ARID4B: variants seen among roughly 807,000 people sequenced by gnomAD.
ARID4B encodes AT-rich interaction domain 4B.
Under a neutral mutation model 147.5 loss-of-function variants are expected in ARID4B, and 26 were observed. That is an observed-to-expected ratio of 0.18 (90% CI 0.13 to 0.24). ARID4B has a LOEUF of 0.24. ARID4B is among the 10% of genes least tolerant of loss of function. The pLI is 1.00. For synonymous variants in ARID4B, 512 were observed against 507.9 expected, an observed-to-expected ratio of 1.01 and a Z score of -0.11; for missense variants, 1,179 against 1,511.5, an observed-to-expected ratio of 0.78 and a Z score of 3.65.
At chr1:235,201,423 T>C (rs868225566) in intron 17 of ARID4B, among the ~76,000 whole-genome samples, 1 of 151,880 alleles carries the variant, frequency 6.6e-6, no homozygotes, top group South Asian at 2.1e-4. Flanking sequence ...GACCTCCCAG[T>C]ATCAATTGTC....
intron 2 of ARID4B, among the ~76,000 whole-genome samples, chr1:235,267,643 T>C (rs1469404394): frequency 6.6e-6 from 1 of 152,112 alleles, no homozygotes; most frequent in African/African-American, 2.4e-5. Flanking sequence ...CCATCCTGGC[T>C]AACCCGGTGA....
In ARID4B at chr1:235,194,046, T is replaced by C. The variant is rs1398553805; in HGVS notation, c.2092A>G (p.Ile698Val). Residue 698 changes from isoleucine to valine, a missense_variant, in exon 19 of 24, where the codon ATA (isoleucine) becomes GTA (valine). Coordinates refer to ENST00000264183, the MANE Select transcript of ARID4B (RefSeq NM_016374.6). ...KNSDTAHIKS[I>V]EITSILNGLQ... ...CCATTAAGGATCGAAGTAATTTCTATGGACTTAATATGAGCAGTATCAGAG... is the reference window on the plus strand; with the variant it reads ...CCATTAAGGATCGAAGTAATTTCTACGGACTTAATATGAGCAGTATCAGAG... 8 of 1,611,242 alleles carry C rather than the reference T, an allele frequency of 5.0e-6. No homozygotes were observed. Among genetic ancestry groups the C allele is most frequent in the African/African-American group, 1.3e-5 (1 of 74,992 alleles).
At chr1:235,281,043 A>C (rs1389769675) in intron 2 of ARID4B, among the ~76,000 whole-genome samples, 1 of 152,094 alleles carries the variant, frequency 6.6e-6, no homozygotes, top group Non-Finnish European at 1.5e-5. Context: ...TGTGAGTCCT[A>C]AGTAAACACT....
At chr1:235,178,776 A>G (rs1558171604) in intron 20 of ARID4B, among the ~76,000 whole-genome samples, 1 of 152,174 alleles carries the variant, frequency 6.6e-6, no homozygotes, top group African/African-American at 2.4e-5. Context: ...TCAGACACCA[A>G]ATCAACCTTC....
chr1:235,269,960 G>T (rs966558461), intron 2 of ARID4B, among the ~76,000 whole-genome samples: 20 of 148,132 alleles, frequency 1.4e-4, no homozygotes, highest in African/African-American at 4.5e-4. Flanking sequence ...TGTTTTTTTT[G>T]CTGGATTGTA....
chr1:235,209,713 G>A (rs1666585236), intron 17 of ARID4B, among the ~76,000 whole-genome samples: 1 of 151,628 alleles, frequency 6.6e-6, no homozygotes, highest in South Asian at 2.1e-4. Context: ...ACAGGCACCT[G>A]CCACCATGTC....
At chr1:235,308,979 T>C (rs1427244592) in intron 2 of ARID4B, among the ~76,000 whole-genome samples, 2 of 148,642 alleles carry the variant, frequency 1.3e-5, no homozygotes, top group Non-Finnish European at 3.0e-5. Context: ...CTGCCCAGTC[T>C]GGAAAGTGAC....
At chr1:235,221,707 AAT>A in intron 13 of ARID4B, 45 bp from the exon 14 acceptor site, 1 of 1,080,772 alleles carries the variant, frequency 9.3e-7, no homozygotes, top group Non-Finnish European at 1.4e-6. Flanking sequence ...AAAAGGTGTT[AAT>A]ATAATAACAT....
intron 2 of ARID4B, among the ~76,000 whole-genome samples, chr1:235,285,609 C>T (rs1671922323): frequency 1.3e-5 from 2 of 152,152 alleles, no homozygotes. Flanking sequence ...AGAGCCAATG[C>T]AATCAAGAAA....
chr1:235,284,485 T>G (rs1671852709), intron 2 of ARID4B, among the ~76,000 whole-genome samples: 2 of 152,166 alleles, frequency 1.3e-5, no homozygotes, highest in Non-Finnish European at 2.9e-5. Context: ...CTTTTTCTAT[T>G]ACAAGTGATC....
Position 235,218,816 on chromosome 1 carries a change from C to A in ARID4B, c.1583+977G>T, listed in dbSNP as rs138821904. Among the ~76,000 whole-genome samples, 47 of 151,728 alleles carry A rather than the reference C, an allele frequency of 3.1e-4. 1 individual carries two copies. The East Asian group carries it at 8.5e-3, about 27-fold the overall frequency. On this transcript the variant is annotated intron_variant, in intron 16 of 23. Coordinates refer to ENST00000264183, the MANE Select transcript of ARID4B (RefSeq NM_016374.6). ...TATAAGCCCCATTTTTTATTTTCCC[C>A]TTCCCTGTTCGTCTGCATACTGTGG...
At chr1:235,268,984 GA>G (rs770143844) in intron 2 of ARID4B, among the ~76,000 whole-genome samples, 3 of 152,142 alleles carry the variant, frequency 2.0e-5, no homozygotes, top group Non-Finnish European at 4.4e-5. Flanking sequence ...TCAAATGGGG[GA>G]AAGTTTGAGC....
Position 235,175,275 on chromosome 1 carries a change from T to C in ARID4B, c.3573A>G (p.Pro1191=). The change falls in exon 22 of 24, where the codon CCA becomes CCG. Residue 1191 remains proline (P), a synonymous_variant. Coordinates refer to ENST00000264183, the MANE Select transcript of ARID4B (RefSeq NM_016374.6). The part of the protein sequence containing the change: ...STKSPARTQS[P]GKCGKNGDKD... Reference sequence around the variant, plus strand: ...TATCACCATTCTTTCCACATTTTCCTGGAGACTGCGTCCTTGCGGGAGATT... The same window carrying C: ...TATCACCATTCTTTCCACATTTTCCCGGAGACTGCGTCCTTGCGGGAGATT... 2 of 1,614,208 alleles carry C rather than the reference T, an allele frequency of 1.2e-6. No individual in the cohort carries two copies. The highest frequency in any genetic ancestry group is 1.7e-6 in the Non-Finnish European group (2 of 1,180,026).
chr1:235,226,061 A>G (rs1489035475), intron 11 of ARID4B, among the ~76,000 whole-genome samples: 2 of 152,210 alleles, frequency 1.3e-5, no homozygotes, highest in African/African-American at 4.8e-5. Flanking sequence ...TAACTTTAAT[A>G]AACAGCACAA....
chr1:235,326,961 A>G lies in ARID4B; in HGVS notation c.-42T>C. On this transcript the variant is annotated 5_prime_UTR_variant, in exon 2 of 24. Transcript: ENST00000264183. Reference sequence around the variant, plus strand: ...AGGTATCCTCTAAAACACCAGGTTCAGCTGCACCTGGAGGGGAAACAAAAG... The same window carrying G: ...AGGTATCCTCTAAAACACCAGGTTCGGCTGCACCTGGAGGGGAAACAAAAG... 6.2e-7 allele frequency: 1 copy of G among 1,611,390 alleles called. No individual in the cohort carries two copies. The highest frequency in any genetic ancestry group is 8.5e-7 in the Non-Finnish European group (1 of 1,177,672).
At chr1:235,293,716 T>C (rs762146696) in intron 2 of ARID4B, among the ~76,000 whole-genome samples, 2 of 152,076 alleles carry the variant, frequency 1.3e-5, no homozygotes, top group Non-Finnish European at 2.9e-5. Flanking sequence ...AAATACAGTC[T>C]AGCAACTCAA....
At position 235,314,545 on chromosome 1, in the gene ARID4B, G is replaced by A. The variant is rs370551407; in HGVS notation, c.6+12369C>T. Among the ~76,000 whole-genome samples, 4 of 152,150 alleles carry A rather than the reference G, an allele frequency of 2.6e-5. No individual in the cohort carries two copies. In the South Asian group the frequency reaches 8.3e-4, roughly 32 times the overall value. ...TAATCATGAAGCTACAATGTTTACT[G>A]GGCACTTTAAACAAAGACAGTTTTC... On this transcript the variant is annotated intron_variant, in intron 2 of 23. Coordinates refer to ENST00000264183, the MANE Select transcript of ARID4B (RefSeq NM_016374.6).
In ARID4B at chr1:235,182,051, C is replaced by T. The variant is rs780783351; in HGVS notation, c.2868G>A (p.Pro956=). ...CCACCCCCTCCTCTGGGGCAGGATGCGGTGGGGAAGCTGCAGCCTCAGTAT... is the reference window on the plus strand; with the variant it reads ...CCACCCCCTCCTCTGGGGCAGGATGTGGTGGGGAAGCTGCAGCCTCAGTAT... ...DSDTEAAASP[P]HPAPEEGVAE... is the part of the protein sequence containing the mutation. The change falls in exon 20 of 24, where the codon CCG becomes CCA. Residue 956 remains proline (P), a synonymous_variant. Transcript: ENST00000264183. The T allele has an allele frequency of 2.6e-5, 42 of 1,614,122 alleles. No homozygotes were observed. The South Asian group carries it at 2.6e-4, about 10-fold the overall frequency.
At position 235,181,032 on chromosome 1, in the gene ARID4B, A is replaced by G. The variant is rs985455536; in HGVS notation, c.3334+553T>C. ...ACATTGGTCCTTCAATTTGGAAGCTATGCATCTAAGAAAGCATCAAATTCC... is the reference window on the plus strand; with the variant it reads ...ACATTGGTCCTTCAATTTGGAAGCTGTGCATCTAAGAAAGCATCAAATTCC... On this transcript the variant is annotated intron_variant, in intron 20 of 23. Transcript: ENST00000264183. 7 of 786,116 alleles carry G rather than the reference A, an allele frequency of 8.9e-6. No individual in the cohort carries two copies. In the African/African-American group the frequency reaches 9.4e-5, roughly 11 times the overall value. The allele number at this position is 786,116 out of a possible 1,614,324, so 48.7% of individuals were successfully genotyped here.
Sources: allele counts gnomAD v4.1 joint callset (sites outside exome capture counted in the v4.1 genomes callset), GRCh38; gene constraint gnomAD v4.1.1; transcripts MANE v1.5; gene names NCBI Gene and HGNC (gene_info 2026-07-23, HGNC 2026-07-21).